HS3ST4: variants seen among roughly 807,000 people sequenced by gnomAD.
HS3ST4 encodes heparan sulfate-glucosamine 3-sulfotransferase 4.
HS3ST4 carries 17 observed loss-of-function variants against 29.2 expected under a neutral mutation model. The ratio of observed to expected loss-of-function variants is 0.58; its 90% CI spans 0.40 to 0.87. The LOEUF is 0.87. Ranked by LOEUF, HS3ST4 falls within the 40% of genes least tolerant of loss-of-function variation. The pLI is 0.00. For synonymous variants in HS3ST4, 314 were observed against 285.7 expected (o/e 1.10, Z -1.00); for missense variants, 627 against 634.5 (o/e 0.99, Z 0.13).
intron 1 of HS3ST4, among the ~76,000 whole-genome samples, chr16:25,888,153 G>A (rs1967973809): frequency 6.6e-6 from 1 of 152,134 alleles, no homozygotes. Flanking sequence ...CGCAGAGCAA[G>A]CAGGCCTGCT....
chr16:25,805,184 C>T lies in HS3ST4; in HGVS notation c.734+112033C>T, dbSNP rs1301349425. ...CACCAGTAAAAAAGGATTATAATCC[C>T]AGATGCACGGCTGTAGCAAGCCACA... On this transcript the variant is annotated intron_variant, in intron 1 of 1. Coordinates refer to ENST00000331351, the MANE Select transcript of HS3ST4 (RefSeq NM_006040.3). Among the ~76,000 whole-genome samples, 3 of 152,242 alleles carry T rather than the reference C, an allele frequency of 2.0e-5. No individual in the cohort carries two copies. The East Asian group carries it at 5.8e-4, about 29-fold the overall frequency.
chr16:26,009,904 G>A (rs114738907), intron 1 of HS3ST4, among the ~76,000 whole-genome samples: 3,006 of 152,246 alleles, frequency 0.02, 108 homozygotes, highest in African/African-American at 0.066. Context: ...TGCAGTCACC[G>A]ACCTTGGGGA....
At chr16:25,828,446 T>C in intron 1 of HS3ST4, among the ~76,000 whole-genome samples, 1 of 151,068 alleles carries the variant, frequency 6.6e-6, no homozygotes, top group East Asian at 2.0e-4. Context: ...GTTCAAGCAA[T>C]TCTCCTGCCT....
intron 1 of HS3ST4, among the ~76,000 whole-genome samples, chr16:25,915,730 G>A (rs1968287294): frequency 6.6e-6 from 1 of 152,316 alleles, no homozygotes; most frequent in South Asian, 2.1e-4. Flanking sequence ...GAATGAGCAA[G>A]AAAGCTTACA....
intron 1 of HS3ST4, among the ~76,000 whole-genome samples, chr16:25,718,114 G>A (rs1396068405): frequency 6.6e-6 from 1 of 152,148 alleles, no homozygotes; most frequent in Non-Finnish European, 1.5e-5. Flanking sequence ...CAAACCATAA[G>A]GACAGGAGCA....
intron 1 of HS3ST4, among the ~76,000 whole-genome samples, chr16:25,892,290 G>A (rs1233332094): frequency 1.3e-5 from 2 of 152,188 alleles, no homozygotes; most frequent in Admixed American, 1.3e-4. Flanking sequence ...CAGGAGTGAG[G>A]AGGGCCCCAG....
rs192843080 is a variant in HS3ST4 at position 25,836,185 on chromosome 16, C to T, written c.734+143034C>T. 3.8e-3 allele frequency among the ~76,000 whole-genome samples: 571 copies of T among 152,166 alleles called. 15 individuals are homozygous for T. The highest frequency in any genetic ancestry group is 0.027 in the East Asian group (139 of 5,182). On this transcript the variant is annotated intron_variant, in intron 1 of 1. Coordinates refer to ENST00000331351, the MANE Select transcript of HS3ST4 (RefSeq NM_006040.3). ...GAAGGGGTGAAGGAGTGCTAAGGAG[C>T]CAAAATTACAAAAAAATAAATTTCT...
In HS3ST4 at chr16:25,756,127, TACACACACAC is replaced by T. The variant is rs61054132; in HGVS notation, c.734+62993_734+63002del. 9.1e-4 allele frequency among the ~76,000 whole-genome samples: 128 copies of T among 140,728 alleles called. 1 individual carries two copies. In the East Asian group the frequency reaches 9.8e-3, roughly 11 times the overall value. The allele number at this position is 140,728 out of a possible 152,430, so 92.3% of individuals were successfully genotyped here. On this transcript the variant is annotated intron_variant, in intron 1 of 1. Transcript: ENST00000331351. Reference sequence around the variant, plus strand: ...TGTTATAGAAACACACACACACACATACACACACACACACACACACACACACGCACACACA... The same window carrying T: ...TGTTATAGAAACACACACACACACATACACACACACACACACGCACACACA...
intron 1 of HS3ST4, among the ~76,000 whole-genome samples, chr16:26,069,937 T>A (rs1300672736): frequency 6.6e-6 from 1 of 152,176 alleles, no homozygotes; most frequent in Admixed American, 6.5e-5. Flanking sequence ...GTGCCACATT[T>A]TCTTAATCCA....
intron 1 of HS3ST4, among the ~76,000 whole-genome samples, chr16:25,906,488 G>T (rs2141676083): frequency 6.6e-6 from 1 of 152,214 alleles, no homozygotes; most frequent in South Asian, 2.1e-4. Context: ...TGCTGGGTTA[G>T]AGCAGTAACC....
At position 25,971,182 on chromosome 16, in the gene HS3ST4, C is replaced by G. The variant is rs113627816; in HGVS notation, c.735-164430C>G. 5.4e-4 allele frequency among the ~76,000 whole-genome samples: 82 copies of G among 152,232 alleles called. No homozygotes were observed. The Middle Eastern group carries it at 0.02, about 38-fold the overall frequency. On this transcript the variant is annotated intron_variant, in intron 1 of 1. Coordinates refer to ENST00000331351, the MANE Select transcript of HS3ST4 (RefSeq NM_006040.3). The stretch of plus-strand genomic sequence containing the variant: ...ATCCTTTCTATGACAAACAATCCCT[C>G]TTTGAGGTGCTGGAGATATGAAAAT...
intron 1 of HS3ST4, among the ~76,000 whole-genome samples, chr16:26,014,314 C>T (rs780961673): frequency 6.6e-6 from 1 of 152,136 alleles, no homozygotes; most frequent in African/African-American, 2.4e-5. Context: ...AAAGTTCTAT[C>T]GTCACCATTT....
intron 1 of HS3ST4, among the ~76,000 whole-genome samples, chr16:26,083,520 A>T (rs573314841): frequency 5.3e-4 from 80 of 152,148 alleles, no homozygotes; most frequent in Non-Finnish European, 1.0e-3. Flanking sequence ...TATATATTAG[A>T]TTTTGCAGAC....
At position 25,805,497 on chromosome 16, in the gene HS3ST4, G is replaced by A. The variant is rs544605618; in HGVS notation, c.734+112346G>A. ...GAGCTCTCCCACTTCATGATTTCCCGCCTCTAATTTGATTGGTTCTGACAA... is the reference window on the plus strand; with the variant it reads ...GAGCTCTCCCACTTCATGATTTCCCACCTCTAATTTGATTGGTTCTGACAA... On this transcript the variant is annotated intron_variant, in intron 1 of 1. Coordinates refer to ENST00000331351, the MANE Select transcript of HS3ST4 (RefSeq NM_006040.3). 5.3e-5 allele frequency among the ~76,000 whole-genome samples: 8 copies of A among 151,976 alleles called. No homozygotes were observed. In the South Asian group the frequency reaches 8.4e-4, roughly 16 times the overall value.
chr16:25,820,435 C>A (rs1441814589), intron 1 of HS3ST4, among the ~76,000 whole-genome samples: 1 of 151,994 alleles, frequency 6.6e-6, no homozygotes, highest in Non-Finnish European at 1.5e-5. Context: ...CTCTTGTGGT[C>A]CAGGCTATTG....
intron 1 of HS3ST4, among the ~76,000 whole-genome samples, chr16:25,721,365 C>T (rs1043430048): frequency 2.0e-4 from 30 of 152,170 alleles, no homozygotes; most frequent in Non-Finnish European, 4.1e-4. Flanking sequence ...GCAGAACTAC[C>T]TTTTATGGGC....
chr16:25,999,691 A>G (rs938757909), intron 1 of HS3ST4, among the ~76,000 whole-genome samples: 1 of 147,426 alleles, frequency 6.8e-6, no homozygotes, highest in African/African-American at 2.5e-5. Context: ...GACACATACT[A>G]TGGGTTCTCA....
At chr16:25,743,926 A>G (rs1262311614) in intron 1 of HS3ST4, among the ~76,000 whole-genome samples, 4 of 152,270 alleles carry the variant, frequency 2.6e-5, no homozygotes, top group Non-Finnish European at 5.9e-5. Flanking sequence ...TACATTTCCC[A>G]TAGTCTTTAT....
chr16:25,746,097 T>C (rs1328584857), intron 1 of HS3ST4, among the ~76,000 whole-genome samples: 1 of 152,220 alleles, frequency 6.6e-6, no homozygotes. Context: ...TACCTGTTGA[T>C]TCCCACCTCA....
Sources: gnomAD v4.1 joint callset for allele counts (sites outside exome capture counted in the v4.1 genomes callset) on GRCh38, gnomAD v4.1.1 for gene constraint, MANE v1.5 for transcripts, NCBI Gene and HGNC (gene_info 2026-07-23, HGNC 2026-07-21) for gene names.